CPED1: variants seen among roughly 807,000 people sequenced by gnomAD.
CPED1 encodes the protein cadherin-like and PC-esterase domain-containing protein 1.
CPED1 carries 114 observed loss-of-function variants against 128.2 expected under a neutral mutation model. That is an observed-to-expected ratio of 0.89 (90% confidence interval 0.76 to 1.04). CPED1 has a LOEUF of 1.04. Ranked by LOEUF, CPED1 falls within the 50% of genes least tolerant of loss-of-function variation. The probability of loss-of-function intolerance (pLI) is 0.00; values close to 1 mark genes in which losing one functional copy is unlikely to be tolerated. For missense variants in CPED1, 1,211 were observed against 1,207.1 expected, an observed-to-expected ratio of 1.00 and a Z score of -0.05; for synonymous variants, 462 against 426.7, an observed-to-expected ratio of 1.08 and a Z score of -1.02.
intron 18 of CPED1, among the ~76,000 whole-genome samples, chr7:121,265,863 A>C (rs1204934151): frequency 6.6e-6 from 1 of 152,072 alleles, no homozygotes; most frequent in Non-Finnish European, 1.5e-5. Flanking sequence ...AAGAGATTGG[A>C]AAATCCCTAA....
At chr7:121,258,251 C>T (rs184993437) in intron 18 of CPED1, among the ~76,000 whole-genome samples, 71 of 152,200 alleles carry the variant, frequency 4.7e-4, no homozygotes, top group African/African-American at 1.7e-3. Flanking sequence ...GTTGTTCATT[C>T]ATTCAATGTT....
intron 14 of CPED1, among the ~76,000 whole-genome samples, chr7:121,139,128 A>G (rs1237663512): frequency 1.3e-5 from 2 of 151,980 alleles, no homozygotes. Context: ...GAAATTATAG[A>G]TGCAGTCCAC....
chr7:121,242,330 T>C (rs1452552346), intron 17 of CPED1, among the ~76,000 whole-genome samples: 2 of 152,188 alleles, frequency 1.3e-5, no homozygotes, highest in Admixed American at 1.3e-4. Context: ...CTCAGACAAG[T>C]TCCTGAGCCC....
intron 16 of CPED1, among the ~76,000 whole-genome samples, chr7:121,151,026 A>G (rs999508947): frequency 4.6e-5 from 7 of 152,146 alleles, no homozygotes; most frequent in African/African-American, 1.7e-4. Flanking sequence ...TCGGCCTCCC[A>G]AAGTGCTGGG....
In CPED1 at chr7:121,153,818, A is replaced by T. The variant is rs1036387735; in HGVS notation, c.2055+11677A>T. Among the ~76,000 whole-genome samples, 4 of 152,258 alleles carry T rather than the reference A, an allele frequency of 2.6e-5. No homozygotes were observed. The East Asian group carries it at 5.8e-4, about 22-fold the overall frequency. The stretch of plus-strand genomic sequence containing the variant: ...TTTTAAAAAATAAATATATTGAAAA[A>T]TTTTTTGAAGATTTTCTGACAATTT... On this transcript the variant is annotated intron_variant, in intron 16 of 22. Coordinates refer to ENST00000310396, the MANE Select transcript of CPED1 (RefSeq NM_024913.5).
intron 7 of CPED1, among the ~76,000 whole-genome samples, chr7:121,113,308 C>G (rs1223998188): frequency 6.6e-6 from 1 of 152,114 alleles, no homozygotes; most frequent in Non-Finnish European, 1.5e-5. Context: ...TCAAAGAACC[C>G]TCCAGTGGGG....
chr7:121,076,883 TC>T (rs1239260556), intron 5 of CPED1, among the ~76,000 whole-genome samples: 20 of 152,018 alleles, frequency 1.3e-4, no homozygotes, highest in African/African-American at 4.6e-4. Flanking sequence ...AGAACATTGA[TC>T]TAGATTGCAG....
chr7:121,142,306 C>T (rs968629824), intron 16 of CPED1, among the ~76,000 whole-genome samples, 165 bp downstream of exon 16: 13 of 151,954 alleles, frequency 8.6e-5, no homozygotes, highest in Admixed American at 3.3e-4. Flanking sequence ...TAAGTCACCT[C>T]GTTGTGAGTG....
intron 16 of CPED1, among the ~76,000 whole-genome samples, chr7:121,162,231 G>A (rs1796426730): frequency 6.6e-6 from 1 of 152,242 alleles, no homozygotes; most frequent in Non-Finnish European, 1.5e-5. Context: ...AATGTGAACA[G>A]CAACTGCTCA....
intron 5 of CPED1, among the ~76,000 whole-genome samples, chr7:121,068,129 T>C (rs7806509): frequency 5.9e-5 from 9 of 152,002 alleles, no homozygotes; most frequent in Non-Finnish European, 1.3e-4. Context: ...TTAGATCCCA[T>C]TTGTCAATTT....
At chr7:121,272,789 T>C (rs1311304168) in intron 22 of CPED1, among the ~76,000 whole-genome samples, 1 of 152,002 alleles carries the variant, frequency 6.6e-6, no homozygotes, top group African/African-American at 2.4e-5. Flanking sequence ...CCAAGAGACA[T>C]GTGCTTGGCT....
intron 7 of CPED1, among the ~76,000 whole-genome samples, chr7:121,114,593 A>G (rs1795190895): frequency 6.6e-6 from 1 of 152,216 alleles, no homozygotes; most frequent in Non-Finnish European, 1.5e-5. Context: ...AAAACCTAGA[A>G]TGATTCTGCC....
At chr7:121,078,032 A>G (rs73221279) in intron 5 of CPED1, among the ~76,000 whole-genome samples, 1 of 151,714 alleles carries the variant, frequency 6.6e-6, no homozygotes, top group African/African-American at 2.4e-5. Flanking sequence ...TCATACTACT[A>G]TATGATTTGT....
At chr7:121,200,944 A>G (rs893446013) in intron 16 of CPED1, among the ~76,000 whole-genome samples, 1 of 124,252 alleles carries the variant, frequency 8.0e-6, no homozygotes, top group Admixed American at 8.6e-5. Context: ...CATTAAAGGC[A>G]AATCAAAAGA....
Position 120,989,650 on chromosome 7 carries a change from G to T in CPED1, c.29G>T (p.Arg10Leu). The T allele has an allele frequency of 1.2e-6, 2 of 1,613,886 alleles. No individual in the cohort carries two copies. The highest frequency in any genetic ancestry group is 1.7e-6 in the Non-Finnish European group (2 of 1,180,002). ...GTCTGTCGCCCAGTGTTCCCTTGTCGTCGGCGATTTTGCCCCCGACCCTTC... is the reference window on the plus strand; with the variant it reads ...GTCTGTCGCCCAGTGTTCCCTTGTCTTCGGCGATTTTGCCCCCGACCCTTC... MVCRPVFPC[R>L]RRFCPRPFLV... Residue 10 changes from arginine to leucine, a missense_variant, in exon 2 of 23, where the codon CGT becomes CTT. Transcript: ENST00000310396.
Position 121,223,795 on chromosome 7 carries a change from G to A in CPED1, c.2056-12919G>A, listed in dbSNP as rs540702989. 3.0e-4 allele frequency among the ~76,000 whole-genome samples: 45 copies of A among 151,864 alleles called. 1 individual carries two copies. The South Asian group carries it at 5.8e-3, about 20-fold the overall frequency. On this transcript the variant is annotated intron_variant, in intron 16 of 22. Coordinates refer to ENST00000310396, the MANE Select transcript of CPED1 (RefSeq NM_024913.5). ...TGGTAGTCTGTGTTTCTGTGGGATC[G>A]GTGGTGATATCCCCTTTATCATTTT...
chr7:121,184,214 T>A (rs1796956196), intron 16 of CPED1, among the ~76,000 whole-genome samples: 1 of 152,172 alleles, frequency 6.6e-6, no homozygotes, highest in Non-Finnish European at 1.5e-5. Flanking sequence ...TTGTATTTTT[T>A]AAGTGGATGT....
intron 16 of CPED1, among the ~76,000 whole-genome samples, chr7:121,172,746 C>T (rs1004784770): frequency 4.0e-5 from 6 of 151,854 alleles, no homozygotes; most frequent in African/African-American, 1.5e-4. Flanking sequence ...TTTAATATTA[C>T]ATGTCTAATT....
At chr7:121,195,796 C>T (rs1416662887) in intron 16 of CPED1, among the ~76,000 whole-genome samples, 2 of 152,046 alleles carry the variant, frequency 1.3e-5, no homozygotes, top group Non-Finnish European at 1.5e-5. Context: ...TGCTTATTAC[C>T]GGTATCTTGA....
Sources: allele counts gnomAD v4.1 joint callset (sites outside exome capture counted in the v4.1 genomes callset), GRCh38; gene constraint gnomAD v4.1.1; transcripts MANE v1.5; gene names NCBI Gene and HGNC (gene_info 2026-07-23, HGNC 2026-07-21).